ZNF273: variants seen among roughly 807,000 people sequenced by gnomAD.
The protein encoded by ZNF273 is zinc finger protein 9.
Under a neutral mutation model 14.9 loss-of-function variants are expected in ZNF273, and 11 were observed. That is an observed-to-expected ratio of 0.74 (90% CI 0.46 to 1.22). ZNF273 has a LOEUF of 1.22. Ranked by LOEUF, ZNF273 falls within the 50% of genes most tolerant of loss-of-function variation. The pLI is 0.00. For synonymous variants in ZNF273, 199 were observed against 223.9 expected (o/e 0.89, Z 0.99); for missense variants, 577 against 660.6 (o/e 0.87, Z 1.39).
downstream of ZNF273, chr7:64,882,475 A>G (rs1436952897): frequency 1.3e-5 from 2 of 152,260 alleles, no homozygotes; most frequent in African/African-American, 4.8e-5. Context: ...CTGGCGCCCG[A>G]GGCAGCCTCA....
intron 3 of ZNF273, chr7:64,923,527 A>G: frequency 1.9e-5 from 7 of 361,758 alleles, no homozygotes; most frequent in South Asian, 1.5e-4. Context: ...TTTTTAGTAG[A>G]GTGAGGGTTT....
At chr7:64,931,044 TAAAG>T (rs770174004), downstream of ZNF273, 1 of 152,156 alleles carries the variant, frequency 6.6e-6, no homozygotes, top group African/African-American at 2.4e-5. Flanking sequence ...TGCAAACATA[TAAAG>T]ACTCAGTTTT....
At chr7:64,911,280 CTT>C (rs58701857) in intron 1 of ZNF273, among the ~76,000 whole-genome samples, 11 of 128,362 alleles carry the variant, frequency 8.6e-5, no homozygotes, top group Non-Finnish European at 7.9e-5. Context: ...GTGAACTAGC[CTT>C]TTTTTTTTTT....
At chr7:64,931,839 C>T (rs1794997500), downstream of ZNF273, among the ~76,000 whole-genome samples, 1 of 152,092 alleles carries the variant, frequency 6.6e-6, no homozygotes, top group Non-Finnish European at 1.5e-5. Flanking sequence ...AATGGTGAAA[C>T]AGTAACATTG....
chr7:64,888,104 ACACT>A (rs1348070989), intron 1 of ZNF273, among the ~76,000 whole-genome samples: 4 of 152,046 alleles, frequency 2.6e-5, no homozygotes, highest in Admixed American at 1.3e-4. Flanking sequence ...CACCTCCCTG[ACACT>A]CACTCAAACT....
At chr7:64,892,951 T>TAAC (rs916415782), downstream of ZNF273, among the ~76,000 whole-genome samples, 6 of 152,100 alleles carry the variant, frequency 3.9e-5, no homozygotes, top group Non-Finnish European at 7.4e-5. Context: ...CTACATGTAG[T>TAAC]AACAACAACA....
intron 3 of ZNF273, among the ~76,000 whole-genome samples, chr7:64,895,919 A>G (rs1281244790): frequency 3.9e-5 from 6 of 152,222 alleles, no homozygotes; most frequent in African/African-American, 1.4e-4. Flanking sequence ...CATCACCTAG[A>G]AAATGGTAAT....
intron 1 of ZNF273, among the ~76,000 whole-genome samples, chr7:64,904,412 A>G (rs1161554617): frequency 6.6e-6 from 1 of 152,210 alleles, no homozygotes; most frequent in East Asian, 1.9e-4. Flanking sequence ...ATTTTTTTAA[A>G]AAATGGGGAC....
chr7:64,903,092 T>C (rs1792832653), upstream of ZNF273, among the ~76,000 whole-genome samples: 2 of 152,200 alleles, frequency 1.3e-5, no homozygotes, highest in Non-Finnish European at 2.9e-5. Context: ...CTGAAAAGCC[T>C]GCAGTTTAGG....
intron 1 of ZNF273, among the ~76,000 whole-genome samples, chr7:64,912,133 A>G (rs984377348): frequency 2.0e-5 from 3 of 152,080 alleles, no homozygotes; most frequent in African/African-American, 4.8e-5. Flanking sequence ...TAATTTTTCT[A>G]ATTTTAATAG....
the ZNF273 span, among the ~76,000 whole-genome samples, chr7:64,936,771 G>A: frequency 2.0e-5 from 3 of 152,310 alleles, no homozygotes; most frequent in East Asian, 5.8e-4. Context: ...TTGCACACAA[G>A]TGCTACTCAA....
intron 1 of ZNF273, among the ~76,000 whole-genome samples, chr7:64,904,379 C>T (rs1362911469): frequency 1.3e-5 from 2 of 152,190 alleles, no homozygotes; most frequent in Non-Finnish European, 2.9e-5. Flanking sequence ...CGTGAGCCAC[C>T]GCGCCCGGCC....
intron 1 of ZNF273, among the ~76,000 whole-genome samples, chr7:64,885,410 T>A (rs11768507): frequency 0.31 from 47,716 of 152,120 alleles, 8,519 homozygotes; most frequent in Non-Finnish European, 0.38. Context: ...CCCTTCACTG[T>A]CTGCCTGGTA....
upstream of ZNF273, among the ~76,000 whole-genome samples, chr7:64,900,035 G>A (rs1422802992): frequency 6.6e-6 from 1 of 151,966 alleles, no homozygotes; most frequent in Non-Finnish European, 1.5e-5. Context: ...GCTGGGATGA[G>A]CCACCACACC....
chr7:64,890,851 A>C (rs1442589559), downstream of ZNF273, among the ~76,000 whole-genome samples: 1 of 152,218 alleles, frequency 6.6e-6, no homozygotes, highest in Non-Finnish European at 1.5e-5. Context: ...AGGTGAGACA[A>C]GAACCAGCAG....
chr7:64,916,613 G>A (rs1794021365), intron 1 of ZNF273, among the ~76,000 whole-genome samples: 1 of 151,660 alleles, frequency 6.6e-6, no homozygotes, highest in Admixed American at 6.6e-5. Context: ...TCTTGAAGAG[G>A]GCATAAAACT....
At chr7:64,883,018 G>A (rs1361080299), downstream of ZNF273, among the ~76,000 whole-genome samples, 1 of 152,226 alleles carries the variant, frequency 6.6e-6, no homozygotes, top group Non-Finnish European at 1.5e-5. Context: ...TGTGCGTGAA[G>A]GCGGCGTCCG....
chr7:64,911,913 C>T (rs1793544360), intron 1 of ZNF273, among the ~76,000 whole-genome samples: 2 of 152,172 alleles, frequency 1.3e-5, no homozygotes, highest in Non-Finnish European at 1.5e-5. Context: ...TCCAGGGATA[C>T]TGGTATGTTG....
At chr7:64,933,986 CT>C (rs1795040331), downstream of ZNF273, among the ~76,000 whole-genome samples, 2 of 152,082 alleles carry the variant, frequency 1.3e-5, no homozygotes, top group Non-Finnish European at 2.9e-5. Context: ...ACAGAAAAAT[CT>C]TTTGAACTTA....
Sources: allele counts gnomAD v4.1 joint callset (sites outside exome capture counted in the v4.1 genomes callset), GRCh38; gene constraint gnomAD v4.1.1; transcripts MANE v1.5; gene names NCBI Gene and HGNC (gene_info 2026-07-23, HGNC 2026-07-21).